Variants in ZC3H12B observed in about 807,000 individuals in gnomAD.
ZC3H12B encodes probable ribonuclease ZC3H12B.
A neutral mutation model predicts 43.9 loss-of-function variants in ZC3H12B; 7 were observed. That is an observed-to-expected ratio of 0.16 (90% CI 0.09 to 0.30). ZC3H12B has a LOEUF of 0.30. ZC3H12B is among the 10% of genes least tolerant of loss of function. The pLI, the probability that ZC3H12B is intolerant of heterozygous loss-of-function variation, is 1.00. For missense variants in ZC3H12B, 475 were observed against 670.2 expected (o/e 0.71, Z 3.22); for synonymous variants, 222 against 241.7 (o/e 0.92, Z 0.76).
chrX:65,349,387 C>T, the ZC3H12B span, among the ~76,000 whole-genome samples: 1 of 111,975 alleles, frequency 8.9e-6, no homozygotes, highest in Admixed American at 9.5e-5. Context: ...AAGTTTATAG[C>T]ACTAAATGCC....
chrX:65,320,243 G>T, the ZC3H12B span, among the ~76,000 whole-genome samples: 1 of 111,424 alleles, frequency 9.0e-6, no homozygotes, highest in South Asian at 3.8e-4. Flanking sequence ...CTGGGATTCC[G>T]TTACACCAAC....
At chrX:65,272,869 G>C in the ZC3H12B span, 4 of 112,167 alleles carry the variant, frequency 3.6e-5, no homozygotes, top group Admixed American at 9.4e-5. Flanking sequence ...TCTACAAGAA[G>C]TAAATACTGT....
chrX:65,244,938 A>G, the ZC3H12B span, among the ~76,000 whole-genome samples: 1 of 110,577 alleles, frequency 9.0e-6, no homozygotes, highest in Admixed American at 9.7e-5. Context: ...TAGGATAGCT[A>G]TCTTAGGGTC....
the ZC3H12B span, among the ~76,000 whole-genome samples, chrX:65,285,105 G>GAAT: frequency 5.7e-5 from 6 of 105,364 alleles, no homozygotes; most frequent in African/African-American, 1.9e-4. Context: ...TCTAGCAAGA[G>GAAT]AATAATTATT....
At chrX:65,079,682 A>G in the ZC3H12B span, among the ~76,000 whole-genome samples, 16,153 of 112,210 alleles carry the variant, frequency 0.14, 2,742 homozygotes, top group African/African-American at 0.49. Context: ...GTTGCCCACA[A>G]AAACAGATAC....
At chrX:65,273,727 A>T in the ZC3H12B span, among the ~76,000 whole-genome samples, 1 of 112,054 alleles carries the variant, frequency 8.9e-6, no homozygotes, top group Middle Eastern at 4.7e-3. Context: ...AAAAAAGAAA[A>T]CCCATAAGAT....
chrX:65,482,444 C>A (rs1339032969), intron 3 of ZC3H12B, among the ~76,000 whole-genome samples: 5 of 111,991 alleles, frequency 4.5e-5, no homozygotes, highest in Non-Finnish European at 7.5e-5. Flanking sequence ...AACACACATT[C>A]ACTGAACCCT....
At chrX:65,334,699 G>A in the ZC3H12B span, among the ~76,000 whole-genome samples, 1 of 111,365 alleles carries the variant, frequency 9.0e-6, no homozygotes, top group Non-Finnish European at 1.9e-5. Context: ...CTGGCTTCAG[G>A]GTGGGGCTCT....
the ZC3H12B span, among the ~76,000 whole-genome samples, chrX:65,233,931 T>C: frequency 9.1e-6 from 1 of 109,885 alleles, no homozygotes; most frequent in African/African-American, 3.3e-5. Flanking sequence ...CATGAGAGAG[T>C]ATTATCAACC....
the ZC3H12B span, among the ~76,000 whole-genome samples, chrX:65,089,752 G>A: frequency 9.0e-6 from 1 of 111,519 alleles, no homozygotes; most frequent in Non-Finnish European, 1.9e-5. Context: ...TATTGTATAA[G>A]CTTTTAAAAT....
chrX:65,289,212 G>T, the ZC3H12B span, among the ~76,000 whole-genome samples: 4 of 110,786 alleles, frequency 3.6e-5, no homozygotes, highest in African/African-American at 1.3e-4. Context: ...AATAACAGTG[G>T]CATTATTCAC....
intron 2 of ZC3H12B, among the ~76,000 whole-genome samples, chrX:65,380,875 A>G (rs893231176): frequency 8.9e-6 from 1 of 112,050 alleles, no homozygotes; most frequent in African/African-American, 3.2e-5. Context: ...ACTTAATGGT[A>G]AAGGGATCAA....
At chrX:65,355,155 G>A in the ZC3H12B span, among the ~76,000 whole-genome samples, 55 of 111,017 alleles carry the variant, frequency 5.0e-4, no homozygotes, top group African/African-American at 1.7e-3. Context: ...CAAGACACAT[G>A]ATCGTCAGAT....
chrX:65,097,279 T>A, the ZC3H12B span, among the ~76,000 whole-genome samples: 1 of 112,035 alleles, frequency 8.9e-6, no homozygotes, highest in Non-Finnish European at 1.9e-5. Context: ...TTCAGTCTAA[T>A]CAACCAAAAG....
At chrX:65,440,810 C>A (rs954522166) in intron 3 of ZC3H12B, among the ~76,000 whole-genome samples, 1 of 112,071 alleles carries the variant, frequency 8.9e-6, no homozygotes, top group Non-Finnish European at 1.9e-5. Context: ...ATTACGAAAA[C>A]TGGAGAATTC....
the ZC3H12B span, among the ~76,000 whole-genome samples, chrX:65,181,377 T>G: frequency 1.8e-5 from 2 of 111,252 alleles, no homozygotes; most frequent in Non-Finnish European, 3.8e-5. Context: ...CCAAAAGCAA[T>G]TGAAACAAAA....
chrX:65,452,847 C>G (rs1219912010), intron 3 of ZC3H12B, among the ~76,000 whole-genome samples: 1 of 94,478 alleles, frequency 1.1e-5, no homozygotes, highest in Admixed American at 1.1e-4. Flanking sequence ...TCTAAACACA[C>G]ACACACACAC....
the ZC3H12B span, among the ~76,000 whole-genome samples, chrX:65,117,304 T>A: frequency 8.9e-6 from 1 of 112,527 alleles, no homozygotes; most frequent in Non-Finnish European, 1.9e-5. Context: ...ATTTCTCTGA[T>A]GGCCAGTGAT....
At chrX:65,275,618 A>T in the ZC3H12B span, among the ~76,000 whole-genome samples, 2 of 112,833 alleles carry the variant, frequency 1.8e-5, no homozygotes, top group African/African-American at 6.4e-5. Context: ...GAAATTACAG[A>T]GGCCACACTA....
Sources: allele counts gnomAD v4.1 joint callset (sites outside exome capture counted in the v4.1 genomes callset), GRCh38; gene constraint gnomAD v4.1.1; transcripts MANE v1.5; gene names NCBI Gene and HGNC (gene_info 2026-07-23, HGNC 2026-07-21).